Variants in C8orf34 observed in about 807,000 individuals in gnomAD.
C8orf34 encodes uncharacterized protein C8orf34.
In C8orf34, 65 loss-of-function variants were observed where a neutral mutation model predicts 68.3. The observed-to-expected ratio is 0.95, with a 90% CI of 0.78 to 1.17. The LOEUF is 1.17. Among genes scored for constraint, C8orf34 ranks in the 50% most tolerant of loss-of-function variants. The pLI is 0.00. For synonymous variants in C8orf34, 244 were observed against 241.2 expected, an observed-to-expected ratio of 1.01 and a Z score of -0.11; for missense variants, 664 against 655.4, an observed-to-expected ratio of 1.01 and a Z score of -0.14.
At chr8:68,700,170 A>G (rs1234875984) in intron 8 of C8orf34, among the ~76,000 whole-genome samples, 7 of 152,112 alleles carry the variant, frequency 4.6e-5, no homozygotes, top group Non-Finnish European at 8.8e-5. Flanking sequence ...CAAACAAACA[A>G]AAAAACTAGA....
At chr8:68,422,172 C>A (rs1298297461) in intron 1 of C8orf34, among the ~76,000 whole-genome samples, 2 of 152,190 alleles carry the variant, frequency 1.3e-5, no homozygotes, top group Admixed American at 6.5e-5. Context: ...TCATGTGTGT[C>A]CAACAGTTCT....
intron 8 of C8orf34, among the ~76,000 whole-genome samples, chr8:68,655,909 C>A (rs1819499249): frequency 6.6e-6 from 1 of 152,154 alleles, no homozygotes; most frequent in Non-Finnish European, 1.5e-5. Flanking sequence ...GCCTTAGGCC[C>A]CTAAACTTTA....
intron 10 of C8orf34, among the ~76,000 whole-genome samples, chr8:68,763,080 CT>C (rs1169561964): frequency 1.3e-5 from 2 of 152,186 alleles, no homozygotes; most frequent in African/African-American, 2.4e-5. Context: ...CAGATTCCTA[CT>C]GGATAAATTC....
At chr8:68,474,983 C>T (rs547196908) in intron 4 of C8orf34, among the ~76,000 whole-genome samples, 6 of 152,284 alleles carry the variant, frequency 3.9e-5, no homozygotes, top group South Asian at 2.1e-4. Flanking sequence ...TCACTTGTTT[C>T]GGGTATTCAG....
intron 7 of C8orf34, among the ~76,000 whole-genome samples, chr8:68,597,542 G>A (rs994575935): frequency 6.6e-6 from 1 of 150,848 alleles, no homozygotes; most frequent in Non-Finnish European, 1.5e-5. Context: ...CATTCATCCT[G>A]CAGTTCAGGT....
chr8:68,533,670 G>C (rs1450784897), intron 7 of C8orf34: 1 of 971,260 alleles, frequency 1.0e-6, no homozygotes, highest in Non-Finnish European at 1.2e-6. Flanking sequence ...CTTCAGGCCT[G>C]TTACTTTCAT....
intron 7 of C8orf34, among the ~76,000 whole-genome samples, chr8:68,584,416 C>G (rs140716922): frequency 1.1e-3 from 162 of 152,260 alleles, no homozygotes; most frequent in Admixed American, 2.5e-3. Context: ...GTGTTTTGTC[C>G]CACCATCTGA....
intron 8 of C8orf34, among the ~76,000 whole-genome samples, chr8:68,662,857 T>C (rs1819723591): frequency 6.6e-6 from 1 of 152,206 alleles, no homozygotes; most frequent in Admixed American, 6.5e-5. Context: ...GCACTCATCA[T>C]GTCAAAGCAC....
chr8:68,640,409 C>A lies in C8orf34; in HGVS notation c.1139C>A (p.Thr380Lys), dbSNP rs1818969545. Residue 380 changes from threonine (T) to lysine (K), a missense_variant, in exon 8 of 14, where the codon ACA becomes AAA. Physicochemically the swap from Thr to Lys is moderately conservative, Grantham distance 78. Coordinates refer to ENST00000518698, the MANE Select transcript of C8orf34 (RefSeq NM_052958.4). ...DLNDLRMEGVTTLVPSGSKFN... is the reference protein window; with the variant it reads ...DLNDLRMEGVKTLVPSGSKFN... ...AATGATTTAAGAATGGAGGGAGTAACAACCCTGGTACCTTCTGGGAGCAAA... is the reference window on the plus strand; with the variant it reads ...AATGATTTAAGAATGGAGGGAGTAAAAACCCTGGTACCTTCTGGGAGCAAA... 2 of 1,613,774 alleles carry A rather than the reference C, an allele frequency of 1.2e-6. No homozygotes were observed. The highest frequency in any genetic ancestry group is 1.3e-5 in the African/African-American group (1 of 74,992).
chr8:68,597,536 C>A (rs1817579526), intron 7 of C8orf34, among the ~76,000 whole-genome samples: 1 of 151,614 alleles, frequency 6.6e-6, no homozygotes, highest in African/African-American at 2.4e-5. Context: ...TAAATACATT[C>A]ATCCTGCAGT....
intron 1 of C8orf34, among the ~76,000 whole-genome samples, chr8:68,373,955 GC>G (rs1226195318): frequency 3.9e-5 from 6 of 152,064 alleles, no homozygotes; most frequent in African/African-American, 1.4e-4. Flanking sequence ...CTTATCTGTT[GC>G]CCAGGCTAAA....
chr8:68,668,333 T>C (rs1024114776), intron 8 of C8orf34, among the ~76,000 whole-genome samples: 1 of 152,040 alleles, frequency 6.6e-6, no homozygotes, highest in African/African-American at 2.4e-5. Flanking sequence ...AAAGAATAAA[T>C]AGAGTTATGC....
At chr8:68,373,243 C>T (rs1453002051) in intron 1 of C8orf34, among the ~76,000 whole-genome samples, 1 of 152,202 alleles carries the variant, frequency 6.6e-6, no homozygotes, top group Non-Finnish European at 1.5e-5. Flanking sequence ...GATCTGCCTG[C>T]CTCAGCCTCC....
Position 68,432,392 on chromosome 8 carries a change from C to T in C8orf34, c.328-7107C>T, listed in dbSNP as rs548595887. Among the ~76,000 whole-genome samples, 6 of 151,984 alleles carry T rather than the reference C, an allele frequency of 3.9e-5. No individual in the cohort carries two copies. In the South Asian group the frequency reaches 1.3e-3, roughly 32 times the overall value. On this transcript the variant is annotated intron_variant, in intron 1 of 13. Coordinates refer to ENST00000518698, the MANE Select transcript of C8orf34 (RefSeq NM_052958.4). ...GAGGCAGGATCTTGGCTCACTGCAA[C>T]CTTTGCTTCCTGGGTTCAAGTGATC...
intron 1 of C8orf34, among the ~76,000 whole-genome samples, chr8:68,410,836 C>G (rs181096675): frequency 6.6e-6 from 1 of 152,190 alleles, no homozygotes; most frequent in Admixed American, 6.5e-5. Flanking sequence ...AACAGCACCC[C>G]TTCCTAGAGG....
At chr8:68,599,165 GA>G (rs1361208849) in intron 7 of C8orf34, among the ~76,000 whole-genome samples, 1 of 151,832 alleles carries the variant, frequency 6.6e-6, no homozygotes, top group African/African-American at 2.4e-5. Flanking sequence ...AAAATACTTA[GA>G]AATAAATTTA....
intron 1 of C8orf34, among the ~76,000 whole-genome samples, chr8:68,431,081 A>G (rs1342871040): frequency 6.6e-6 from 1 of 152,190 alleles, no homozygotes; most frequent in East Asian, 1.9e-4. Context: ...AGTAAGGGAT[A>G]GAGCCAGGCT....
intron 5 of C8orf34, among the ~76,000 whole-genome samples, chr8:68,508,316 A>G (rs1374818779): frequency 6.6e-6 from 1 of 152,162 alleles, no homozygotes; most frequent in East Asian, 1.9e-4. Context: ...TTTACCAAAC[A>G]CTTTAATGGC....
At chr8:68,587,414 A>G (rs1172640966) in intron 7 of C8orf34, among the ~76,000 whole-genome samples, 1 of 152,100 alleles carries the variant, frequency 6.6e-6, no homozygotes, top group Non-Finnish European at 1.5e-5. Context: ...AGTTTATAGA[A>G]TCTGTGTTGG....
Sources: allele counts gnomAD v4.1 joint callset (sites outside exome capture counted in the v4.1 genomes callset), GRCh38; gene constraint gnomAD v4.1.1; transcripts MANE v1.5; gene names NCBI Gene and HGNC (gene_info 2026-07-23, HGNC 2026-07-21).